AGL: variants seen among roughly 807,000 people sequenced by gnomAD.
The protein encoded by AGL is amylo-alpha-1,6-glucosidase and 4-alpha-glucanotransferase.
Under a neutral mutation model 199.3 loss-of-function variants are expected in AGL, and 128 were observed. That is an observed-to-expected ratio of 0.64 (90% CI 0.56 to 0.74). The LOEUF is 0.74. Among genes scored for constraint, AGL ranks in the 30% least tolerant of loss-of-function variants. The pLI, the probability that AGL is intolerant of heterozygous loss-of-function variation, is 0.00. For missense variants in AGL, 1,809 were observed against 1,820.8 expected (o/e 0.99, Z 0.12); for synonymous variants, 584 against 594.7 (o/e 0.98, Z 0.26).
intron 5 of AGL, among the ~76,000 whole-genome samples, chr1:99,868,559 C>A (rs903983335): frequency 5.3e-5 from 8 of 152,050 alleles, no homozygotes; most frequent in Non-Finnish European, 1.2e-4. Flanking sequence ...TTACAGTGAG[C>A]CGAGACTGTG....
chr1:99,902,380 G>A lies in AGL; in HGVS notation c.3589-303G>A, dbSNP rs201012990. Among the ~76,000 whole-genome samples, 36 of 152,254 alleles carry A rather than the reference G, an allele frequency of 2.4e-4. No individual in the cohort carries two copies. The South Asian group carries it at 6.6e-3, about 28-fold the overall frequency. ...AGATGCTGGATAACAAGCTAGGTTC[G>A]TTTATTAGCTGAAGAGATCACTCTG... On this transcript the variant is annotated intron_variant, in intron 26 of 33. Coordinates refer to ENST00000361915, the MANE Select transcript of AGL (RefSeq NM_000642.3).
At chr1:99,903,977 T>G (rs1654055917) in intron 27 of AGL, among the ~76,000 whole-genome samples, 1 of 152,240 alleles carries the variant, frequency 6.6e-6, no homozygotes, top group Admixed American at 6.5e-5. Context: ...CTTGTAAATT[T>G]GCTTGAGTTC....
At chr1:99,913,430 G>A (rs989129732) in intron 29 of AGL, 97 bp from the exon 30 acceptor site, 6 of 1,026,596 alleles carry the variant, frequency 5.8e-6, no homozygotes, top group Non-Finnish European at 8.9e-6. Context: ...TTGCCTTGTA[G>A]TAGATAAAAA....
chr1:99,872,353 A>G (rs1290420910), intron 7 of AGL, among the ~76,000 whole-genome samples: 1 of 152,160 alleles, frequency 6.6e-6, no homozygotes. Flanking sequence ...ATGTGAGTCA[A>G]TCTGAAGGAT....
intron 28 of AGL, among the ~76,000 whole-genome samples, chr1:99,911,795 C>T (rs933892306): frequency 6.6e-6 from 1 of 152,038 alleles, no homozygotes; most frequent in African/African-American, 2.4e-5. Context: ...TAGTTGTGTA[C>T]TGGGTGTGGT....
chr1:99,906,181 C>G (rs1242529088), intron 27 of AGL, among the ~76,000 whole-genome samples: 3 of 152,082 alleles, frequency 2.0e-5, no homozygotes, highest in Non-Finnish European at 4.4e-5. Context: ...TACTTTCTGC[C>G]TCTATAAATT....
At position 99,864,950 on chromosome 1, in the gene AGL, T is replaced by C. The variant is rs534862091; in HGVS notation, c.664+361T>C. Among the ~76,000 whole-genome samples, 3 of 152,314 alleles carry C rather than the reference T, an allele frequency of 2.0e-5. No homozygotes were observed. In the East Asian group the frequency reaches 5.8e-4, roughly 29 times the overall value. ...TTTCAGTTACCTGCAGTCAATCACA[T>C]TTCAAAAATATTGAATATTCCAGAA... is the stretch of plus-strand genomic sequence containing the variant. On this transcript the variant is annotated intron_variant, in intron 5 of 33. Coordinates refer to ENST00000361915, the MANE Select transcript of AGL (RefSeq NM_000642.3).
chr1:99,905,101 T>A (rs1654158283), intron 27 of AGL, among the ~76,000 whole-genome samples: 2 of 152,134 alleles, frequency 1.3e-5, no homozygotes, highest in Admixed American at 1.3e-4. Context: ...GCCAGCAAAC[T>A]GGAGAGATCC....
At position 99,875,392 on chromosome 1, in the gene AGL, A is replaced by G. The variant is rs776695247; in HGVS notation, c.1220A>G (p.Glu407Gly). 6.8e-6 allele frequency: 11 copies of G among 1,614,156 alleles called. No homozygotes were observed. The highest frequency in any genetic ancestry group is 3.3e-4 in the Middle Eastern group (2 of 6,062). The change falls in exon 10 of 34, where the codon GAA (glutamate) becomes GGA (glycine). Residue 407 changes from glutamate to glycine, a missense_variant. Glu to Gly is a moderately conservative substitution (Grantham distance 98). Coordinates refer to ENST00000361915, the MANE Select transcript of AGL (RefSeq NM_000642.3). ...TGCCTTTTGGGAAATGTGTTTTATG[A>G]ACGACTGGCTGGCCATGGTCCAAAA... is the stretch of plus-strand genomic sequence containing the variant. ...VNCLLGNVFY[E>G]RLAGHGPKLG...
intron 4 of AGL, among the ~76,000 whole-genome samples, chr1:99,862,844 A>C (rs1347864684): frequency 1.3e-5 from 2 of 152,146 alleles, no homozygotes; most frequent in Non-Finnish European, 2.9e-5. Flanking sequence ...AATTCGAATG[A>C]GATTTGGGCA....
Position 99,862,135 on chromosome 1 carries a change from T to C in AGL, c.294-122T>C, listed in dbSNP as rs3766593. 0.017 allele frequency: 17,874 copies of C among 1,040,926 alleles called. 1,050 individuals carry two copies. The highest frequency in any genetic ancestry group is 0.14 in the East Asian group (6,031 of 41,930). 64.5% of individuals were successfully genotyped at this position (1,040,926 alleles called of 1,614,324 possible). A position where few individuals can be genotyped will look rare whatever the true frequency, so the allele number is the denominator to read the frequency against. ...TTGCAACTTTTAAAATGATTTTATG[T>C]GCTTAGAAATAAATACATTTTATTT... is the stretch of plus-strand genomic sequence containing the variant. On this transcript the variant is annotated intron_variant, in intron 3 of 33. Coordinates refer to ENST00000361915, the MANE Select transcript of AGL (RefSeq NM_000642.3).
chr1:99,921,430 A>G, intron 33 of AGL, 104 bp from the exon 34 acceptor site: 1 of 787,178 alleles, frequency 1.3e-6, no homozygotes, highest in South Asian at 1.4e-5. Flanking sequence ...AAATGACTAC[A>G]TATGATTATT....
At chr1:99,906,839 A>G (rs1654326954) in intron 27 of AGL, among the ~76,000 whole-genome samples, 1 of 152,228 alleles carries the variant, frequency 6.6e-6, no homozygotes, top group Admixed American at 6.5e-5. Context: ...TAACATGTGT[A>G]TGCAAATATC....
chr1:99,897,240 A>G (rs1445330430), intron 25 of AGL, among the ~76,000 whole-genome samples: 1 of 152,206 alleles, frequency 6.6e-6, no homozygotes, highest in African/African-American at 2.4e-5. Context: ...CTCACCTGAG[A>G]GCTTGTTAGA....
chr1:99,857,323 C>G (rs1408683216), intron 2 of AGL, among the ~76,000 whole-genome samples: 5 of 150,786 alleles, frequency 3.3e-5, no homozygotes, highest in Admixed American at 3.3e-4. Flanking sequence ...TCCTCACTTC[C>G]CAGACTGGGC....
At chr1:99,878,548 A>G (rs923593071) in intron 12 of AGL, among the ~76,000 whole-genome samples, 3 of 152,058 alleles carry the variant, frequency 2.0e-5, no homozygotes, top group African/African-American at 7.2e-5. Context: ...ATCTAATACA[A>G]TCTTTGTAAT....
rs1439067261 is a variant in AGL, at chr1:99,922,888, AT to A, written c.*1244del. ...AAAATAATGCTACTTTCAAAGTAGC[AT>A]TTTTTTAGTTAGTTTACAGGTTACA... On this transcript the variant is annotated 3_prime_UTR_variant, in exon 34 of 34. Transcript: ENST00000361915. The A allele has an allele frequency of 1.3e-5, 2 of 151,972 alleles. No homozygotes were observed. Among genetic ancestry groups the A allele is most frequent in the Non-Finnish European group, 2.9e-5 (2 of 67,910 alleles). 9.4% of individuals were successfully genotyped at this position (151,972 alleles called of 1,614,324 possible). A position where few individuals can be genotyped will look rare whatever the true frequency, so the allele number is the denominator to read the frequency against.
intron 31 of AGL, among the ~76,000 whole-genome samples, chr1:99,915,773 AACACACAC>A (rs951988452): frequency 6.6e-6 from 1 of 150,730 alleles, no homozygotes; most frequent in Non-Finnish European, 1.5e-5. Flanking sequence ...ACTGTATTAA[AACACACAC>A]ACACACACGC....
At position 99,915,553 on chromosome 1, in the gene AGL, A is replaced by ATT. The variant is rs11438303; in HGVS notation, c.4259+79_4259+80dup. The ATT allele has an allele frequency of 0.021, 21,655 of 1,024,712 alleles. 15 individuals are homozygous for ATT. The highest frequency in any genetic ancestry group is 0.027 in the African/African-American group (1,647 of 60,450). 63.5% of individuals were successfully genotyped at this position (1,024,712 alleles called of 1,614,324 possible). A position where few individuals can be genotyped will look rare whatever the true frequency, so the allele number is the denominator to read the frequency against. On this transcript the variant is annotated intron_variant, in intron 31 of 33. Transcript: ENST00000361915. ...TCCAAATACATTGACATCAACCATAATTTTTTTTTTTTTGCCAGGGCAACA... is the reference window on the plus strand; with the variant it reads ...TCCAAATACATTGACATCAACCATAATTTTTTTTTTTTTTTGCCAGGGCAACA...
Sources: allele counts gnomAD v4.1 joint callset (sites outside exome capture counted in the v4.1 genomes callset), GRCh38; gene constraint gnomAD v4.1.1; transcripts MANE v1.5; gene names NCBI Gene and HGNC (gene_info 2026-07-23, HGNC 2026-07-21).